The following PCDHGB5 variants were observed in gnomAD, a reference collection of about 807,000 sequenced individuals.
PCDHGB5 encodes the protein protocadherin gamma subfamily B, 5, also known as protocadherin gamma-B5.
In PCDHGB5, 48 loss-of-function variants were observed where a neutral mutation model predicts 62.9. The ratio of observed to expected loss-of-function variants is 0.76; its 90% CI spans 0.61 to 0.97. The LOEUF is 0.97. Ranked by LOEUF, PCDHGB5 falls within the 50% of genes least tolerant of loss-of-function variation. The pLI, the probability that PCDHGB5 is intolerant of heterozygous loss-of-function variation, is 0.00. For synonymous variants in PCDHGB5, 474 were observed against 511.2 expected, an observed-to-expected ratio of 0.93 and a Z score of 0.98; for missense variants, 1,118 against 1,198.6, an observed-to-expected ratio of 0.93 and a Z score of 0.99.
At chr5:141,427,934 G>A (rs746648152) in intron 1 of PCDHGB5, 42 of 1,584,338 alleles carry the variant, frequency 2.7e-5, no homozygotes, top group Non-Finnish European at 3.6e-5. Context: ...GCATGTTGGT[G>A]GGCGACCTCA....
intron 1 of PCDHGB5, among the ~76,000 whole-genome samples, chr5:141,443,156 A>G (rs1059029): frequency 0.29 from 44,047 of 151,812 alleles, 7,376 homozygotes; most frequent in African/African-American, 0.47. Flanking sequence ...ACTGCATTTT[A>G]TTTCCCTACC....
chr5:141,454,351 C>T (rs1406631649), intron 1 of PCDHGB5, among the ~76,000 whole-genome samples: 2 of 152,152 alleles, frequency 1.3e-5, no homozygotes, highest in Non-Finnish European at 2.9e-5. Flanking sequence ...GAAGTTGATC[C>T]AAACTTAGAA....
intron 1 of PCDHGB5, among the ~76,000 whole-genome samples, chr5:141,457,387 T>A (rs530736201): frequency 2.0e-5 from 3 of 152,340 alleles, no homozygotes; most frequent in Non-Finnish European, 2.9e-5. Context: ...AGAACTAGCA[T>A]ATTGATTCAC....
intron 1 of PCDHGB5, among the ~76,000 whole-genome samples, chr5:141,460,050 C>T (rs1477206197): frequency 6.6e-6 from 1 of 152,064 alleles, no homozygotes; most frequent in Non-Finnish European, 1.5e-5. Context: ...TGCACTCCAG[C>T]CTGGGCAACA....
intron 1 of PCDHGB5, chr5:141,413,151 T>G (rs1192899612): frequency 6.4e-7 from 1 of 1,573,560 alleles, no homozygotes; most frequent in Non-Finnish European, 8.6e-7. Context: ...GTGAGGACTT[T>G]GCAGAATTCT....
intron 1 of PCDHGB5, among the ~76,000 whole-genome samples, chr5:141,472,273 G>A (rs2099275685): frequency 6.6e-6 from 1 of 152,170 alleles, no homozygotes; most frequent in South Asian, 2.1e-4. Context: ...CGGGCACAGT[G>A]GCTCACACCT....
At chr5:141,407,932 C>T (rs1465007397) in intron 1 of PCDHGB5, 7 of 504,268 alleles carry the variant, frequency 1.4e-5, no homozygotes, top group Non-Finnish European at 2.0e-5. Context: ...CACGGAGCCT[C>T]TGGGCGCCGC....
intron 1 of PCDHGB5, among the ~76,000 whole-genome samples, chr5:141,425,440 A>G (rs1438530374): frequency 2.0e-5 from 3 of 152,248 alleles, no homozygotes; most frequent in Non-Finnish European, 4.4e-5. Flanking sequence ...GAGGATAAAA[A>G]TAAAACACCA....
chr5:141,453,204 C>T (rs1345502837), intron 1 of PCDHGB5, among the ~76,000 whole-genome samples: 1 of 152,260 alleles, frequency 6.6e-6, no homozygotes, highest in East Asian at 1.9e-4. Flanking sequence ...GCCTCAACCT[C>T]GTGCACTTAA....
Position 141,489,748 on chromosome 5 carries a change from T to G in PCDHGB5, c.2398-5059T>G. 6.2e-7 allele frequency: 1 copy of G among 1,614,156 alleles called. No homozygotes were observed. Among genetic ancestry groups the G allele is most frequent in the African/African-American group, 1.3e-5 (1 of 75,054 alleles). On this transcript the variant is annotated intron_variant, in intron 1 of 3. Transcript: ENST00000617380. This position sits in a 1 kb window ranked among gnomAD's most constrained non-coding sequence, Gnocchi z 4.5. ...TGTGGGCACCAATACTGTGAGCTTTTACACTCTAAGCCCCAACAGCCACTT... is the reference window on the plus strand; with the variant it reads ...TGTGGGCACCAATACTGTGAGCTTTGACACTCTAAGCCCCAACAGCCACTT...
At position 141,485,727 on chromosome 5, in the gene PCDHGB5, G is replaced by T. The variant is rs773176318; in HGVS notation, c.2398-9080G>T. The T allele has an allele frequency of 3.1e-6, 5 of 1,614,196 alleles. No homozygotes were observed. In the Admixed American group the frequency reaches 5.0e-5, roughly 16 times the overall value. Reference sequence around the variant, plus strand: ...CACTTTGCACTGGATGTGAAGAAGCGCAGCGACGGCAGCCTGGTCCCAGAG... The same window carrying T: ...CACTTTGCACTGGATGTGAAGAAGCTCAGCGACGGCAGCCTGGTCCCAGAG... On this transcript the variant is annotated intron_variant, in intron 1 of 3. Transcript: ENST00000617380. The surrounding 1 kb of genome is among the most constrained non-coding windows in gnomAD (Gnocchi z 5.7).
At chr5:141,478,483 G>A in intron 1 of PCDHGB5, 13 of 1,613,548 alleles carry the variant, frequency 8.1e-6, no homozygotes, top group Non-Finnish European at 1.1e-5. Flanking sequence ...AGAACACGCT[G>A]CGGAGCTGTG....
chr5:141,487,880 G>T lies in PCDHGB5; in HGVS notation c.2398-6927G>T, dbSNP rs1008153773. ...ATTGGTGATCAAGAGCCAGGCTGTTGTGGAAGCATGATGATGGAATGTGGG... is the reference window on the plus strand; with the variant it reads ...ATTGGTGATCAAGAGCCAGGCTGTTTTGGAAGCATGATGATGGAATGTGGG... On this transcript the variant is annotated intron_variant, in intron 1 of 3. Transcript: ENST00000617380. The surrounding 1 kb of genome is among the most constrained non-coding windows in gnomAD (Gnocchi z 5.0). The T allele has an allele frequency of 3.8e-6, 3 of 784,896 alleles. No individual in the cohort carries two copies. Among genetic ancestry groups the T allele is most frequent in the Non-Finnish European group, 6.0e-6 (3 of 497,074 alleles). 48.6% of individuals were successfully genotyped at this position (784,896 alleles called of 1,614,324 possible).
Position 141,397,961 on chromosome 5 carries a change from G to A in PCDHGB5, c.-167G>A. The stretch of plus-strand genomic sequence containing the variant: ...CGCTTTCCAGGGCAGCCCCAGCTCA[G>A]ACTCCCCAGCGCCGGCCTTTACACC... On this transcript the variant is annotated 5_prime_UTR_variant, in exon 1 of 4. Transcript: ENST00000617380. 9.6e-7 allele frequency: 1 copy of A among 1,038,400 alleles called. No homozygotes were observed. The highest frequency in any genetic ancestry group is 1.4e-6 in the Non-Finnish European group (1 of 727,288). The allele number at this position is 1,038,400 out of a possible 1,614,324, so 64.3% of individuals were successfully genotyped here. A position where few individuals can be genotyped will look rare whatever the true frequency, so the allele number is the denominator to read the frequency against.
chr5:141,419,006 A>G (rs2096312225), intron 1 of PCDHGB5: 1 of 1,614,006 alleles, frequency 6.2e-7, no homozygotes. Context: ...TGGGGAAGTC[A>G]GGTGTAGCTT....
intron 2 of PCDHGB5, among the ~76,000 whole-genome samples, chr5:141,497,894 A>AG (rs1562181617): frequency 2.0e-5 from 3 of 152,186 alleles, no homozygotes; most frequent in Admixed American, 6.5e-5. Context: ...GATCTAGTCC[A>AG]GTAACTTCAA....
intron 1 of PCDHGB5, among the ~76,000 whole-genome samples, chr5:141,467,421 G>T (rs957302311): frequency 6.6e-6 from 1 of 152,100 alleles, no homozygotes; most frequent in African/African-American, 2.4e-5. Flanking sequence ...CCACACCTAG[G>T]TTATAGAAAC....
At chr5:141,488,565 C>T (rs1308485284) in intron 1 of PCDHGB5, among the ~76,000 whole-genome samples, 1 of 152,174 alleles carries the variant, frequency 6.6e-6, no homozygotes, top group Non-Finnish European at 1.5e-5. Flanking sequence ...GAGATTTCCG[C>T]AAAGCATTGC....
At chr5:141,412,903 G>C (rs2095586511) in intron 1 of PCDHGB5, 1 of 376,030 alleles carries the variant, frequency 2.7e-6, no homozygotes, top group African/African-American at 2.1e-5. Context: ...ACTTTCCATT[G>C]CATGTATCAC....
Sources: gnomAD v4.1 joint callset for allele counts (sites outside exome capture counted in the v4.1 genomes callset) on GRCh38, gnomAD v4.1.1 for gene constraint, Gnocchi (gnomAD v3.1) non-coding constraint, MANE v1.5 for transcripts, NCBI Gene and HGNC (gene_info 2026-07-23, HGNC 2026-07-21) for gene names.